The following SPEF2 variants were observed in gnomAD, a reference collection of about 807,000 sequenced individuals.
SPEF2 encodes sperm flagella and cilia-associated protein 2.
A neutral mutation model predicts 224.6 loss-of-function variants in SPEF2; 187 were observed. The observed-to-expected ratio is 0.83, with a 90% CI of 0.74 to 0.94. The LOEUF (loss-of-function observed/expected upper bound fraction) is 0.94, where lower values mean the gene tolerates loss of function less well. Among genes scored for constraint, SPEF2 ranks in the 40% least tolerant of loss-of-function variants. SPEF2 has a pLI of 0.00. For missense variants in SPEF2, 2,170 were observed against 2,135.6 expected (o/e 1.02, Z -0.32); for synonymous variants, 715 against 707.3 (o/e 1.01, Z -0.17).
intron 16 of SPEF2, among the ~76,000 whole-genome samples, chr5:35,703,213 T>C (rs1320441239): frequency 6.6e-6 from 1 of 152,078 alleles, no homozygotes; most frequent in East Asian, 1.9e-4. Flanking sequence ...ATAAAGGTTG[T>C]GTATTTTTAT....
chr5:35,695,669 A>G, intron 13 of SPEF2, 66 bp from the exon 14 acceptor site: 1 of 1,322,490 alleles, frequency 7.6e-7, no homozygotes, highest in Non-Finnish European at 1.1e-6. Flanking sequence ...ATAGATGGTC[A>G]AATACTGCTT....
chr5:35,684,543 G>A lies in SPEF2; in HGVS notation c.1525-6494G>A, dbSNP rs149940881. On this transcript the variant is annotated intron_variant, in intron 10 of 36. Coordinates refer to ENST00000356031, the MANE Select transcript of SPEF2 (RefSeq NM_024867.4). Reference sequence around the variant, plus strand: ...GAGGAAGCAGGCCTTTCAGATTGGAGTGCAGCTGGATGTGGCGCTCTTACA... The same window carrying A: ...GAGGAAGCAGGCCTTTCAGATTGGAATGCAGCTGGATGTGGCGCTCTTACA... Among the ~76,000 whole-genome samples the A allele has an allele frequency of 4.3e-3, 653 of 152,298 alleles. 6 individuals carry two copies. The highest frequency in any genetic ancestry group is 0.015 in the African/African-American group (618 of 41,558).
intron 32 of SPEF2, 133 bp from the exon 33 acceptor site, chr5:35,795,570 C>A (rs1172887558): frequency 2.7e-5 from 17 of 620,246 alleles, no homozygotes; most frequent in Non-Finnish European, 3.9e-5. Context: ...TTCTCCTACA[C>A]CCCTGTGGTT....
Position 35,792,573 on chromosome 5 carries a change from G to C in SPEF2, c.4554+127G>C, listed in dbSNP as rs1225508515. The C allele has an allele frequency of 4.4e-6, 3 of 682,110 alleles. No individual in the cohort carries two copies. In the Admixed American group the frequency reaches 8.9e-5, roughly 20 times the overall value. The allele number at this position is 682,110 out of a possible 1,614,324, so 42.3% of individuals were successfully genotyped here. ...TTAGTAGGCAATCAATGAAATGTGA[G>C]TGAATGAAAAATGAATGAACTTCCA... On this transcript the variant is annotated intron_variant, in intron 31 of 36. Transcript: ENST00000356031.
At chr5:35,620,491 C>T (rs1417613165) in intron 1 of SPEF2, among the ~76,000 whole-genome samples, 1 of 152,078 alleles carries the variant, frequency 6.6e-6, no homozygotes, top group Non-Finnish European at 1.5e-5. Context: ...TAAAATAGCA[C>T]TTTGGACATA....
At chr5:35,811,607 A>G (rs916873374) in intron 36 of SPEF2, among the ~76,000 whole-genome samples, 1 of 148,898 alleles carries the variant, frequency 6.7e-6, no homozygotes, top group East Asian at 2.0e-4. Flanking sequence ...GATCATAGTC[A>G]CCTCATGGTG....
At chr5:35,812,030 C>T (rs1207567380) in intron 36 of SPEF2, among the ~76,000 whole-genome samples, 14 of 151,998 alleles carry the variant, frequency 9.2e-5, no homozygotes, top group Admixed American at 2.6e-4. Flanking sequence ...TCTCGTGATC[C>T]GCCCACCTTG....
chr5:35,810,505 T>A (rs1041550759), intron 36 of SPEF2, among the ~76,000 whole-genome samples: 6 of 152,204 alleles, frequency 3.9e-5, no homozygotes, highest in African/African-American at 7.2e-5. Context: ...AAGTTATACA[T>A]TCCCCTCATT....
At chr5:35,647,436 T>C (rs1403218387) in intron 5 of SPEF2, among the ~76,000 whole-genome samples, 1 of 151,970 alleles carries the variant, frequency 6.6e-6, no homozygotes, top group Non-Finnish European at 1.5e-5. Flanking sequence ...AATCAATCTA[T>C]TCATGAGGGA....
At chr5:35,782,124 C>T (rs528003887) in intron 30 of SPEF2, among the ~76,000 whole-genome samples, 4 of 152,292 alleles carry the variant, frequency 2.6e-5, no homozygotes, top group South Asian at 2.1e-4. Context: ...CACACCCATC[C>T]GTCTTTTAAA....
chr5:35,725,078 C>T (rs954682766), intron 20 of SPEF2, among the ~76,000 whole-genome samples: 4 of 152,160 alleles, frequency 2.6e-5, no homozygotes, highest in Non-Finnish European at 4.4e-5. Flanking sequence ...GTTTTTCAAC[C>T]GTGAGTTCTG....
intron 23 of SPEF2, among the ~76,000 whole-genome samples, chr5:35,752,682 G>C (rs562929866): frequency 0.14 from 16 of 118 alleles, no homozygotes; most frequent in South Asian, 0.5. Flanking sequence ...TAATATAGTA[G>C]TATATATTAT....
At chr5:35,649,912 C>T (rs1189746339) in intron 6 of SPEF2, among the ~76,000 whole-genome samples, 1 of 152,186 alleles carries the variant, frequency 6.6e-6, no homozygotes, top group Non-Finnish European at 1.5e-5. Context: ...CATTAACTGG[C>T]TTCATCTACC....
intron 23 of SPEF2, among the ~76,000 whole-genome samples, chr5:35,743,718 G>A (rs200847676): frequency 6.6e-6 from 1 of 151,592 alleles, no homozygotes; most frequent in Non-Finnish European, 1.5e-5. Context: ...TTTATAGCTA[G>A]ATGATCTTGT....
intron 8 of SPEF2, among the ~76,000 whole-genome samples, chr5:35,661,590 T>A (rs1749757844): frequency 6.6e-6 from 1 of 151,784 alleles, no homozygotes; most frequent in African/African-American, 2.4e-5. Flanking sequence ...CTCCACCCTC[T>A]GAAAGGTCCC....
rs763958131 is a variant in SPEF2, at chr5:35,617,969, C to T, written c.-29C>T. The T allele has an allele frequency of 1.3e-6, 2 of 1,562,466 alleles. No homozygotes were observed. Among genetic ancestry groups the T allele is most frequent in the Non-Finnish European group, 8.7e-7 (1 of 1,151,372 alleles). ...GGTTCCTGGCGAGTTTCTAAGCCCC[C>T]GCCTGCGGTCTGAGGCACCGGCTGA... On this transcript the variant is annotated 5_prime_UTR_variant, in exon 1 of 37. Transcript: ENST00000356031.
intron 36 of SPEF2, chr5:35,807,874 G>A (rs1758269524): frequency 1.4e-6 from 2 of 1,477,004 alleles, no homozygotes; most frequent in Non-Finnish European, 1.8e-6. Context: ...TTAACAGCAG[G>A]GACTAAGGAG....
At chr5:35,768,531 A>T (rs977972416) in intron 26 of SPEF2, among the ~76,000 whole-genome samples, 2 of 152,118 alleles carry the variant, frequency 1.3e-5, no homozygotes, top group Non-Finnish European at 2.9e-5. Context: ...AATATTGGAG[A>T]TAGTCTATCT....
chr5:35,686,290 G>A (rs753572274), intron 10 of SPEF2, among the ~76,000 whole-genome samples: 1 of 149,172 alleles, frequency 6.7e-6, no homozygotes, highest in Non-Finnish European at 1.5e-5. Context: ...TAATAAATAG[G>A]TTATATGTAC....
Sources: gnomAD v4.1 joint callset for allele counts (sites outside exome capture counted in the v4.1 genomes callset) on GRCh38, gnomAD v4.1.1 for gene constraint, MANE v1.5 for transcripts, NCBI Gene and HGNC (gene_info 2026-07-23, HGNC 2026-07-21) for gene names.